The following SI variants were observed in gnomAD, a reference collection of about 807,000 sequenced individuals.
SI encodes the protein sucrase-isomaltase, intestinal.
Under a neutral mutation model 253.3 loss-of-function variants are expected in SI, and 235 were observed. The observed-to-expected ratio is 0.93, with a 90% CI of 0.83 to 1.03. SI has a LOEUF of 1.03. SI is among the 50% of genes least tolerant of loss of function. SI has a pLI of 0.00. For synonymous variants in SI, 819 were observed against 712.0 expected, an observed-to-expected ratio of 1.15 and a Z score of -2.39; for missense variants, 2,442 against 2,211.1, an observed-to-expected ratio of 1.10 and a Z score of -2.09.
At chr3:165,000,511 C>T (rs780575723) in intron 37 of SI, among the ~76,000 whole-genome samples, 1 of 151,358 alleles carries the variant, frequency 6.6e-6, no homozygotes, top group Non-Finnish European at 1.5e-5. Flanking sequence ...TTGATCATTT[C>T]ACACTGTATA....
chr3:165,059,993 T>C lies in SI; in HGVS notation c.1055A>G (p.Asn352Ser). The C allele has an allele frequency of 6.2e-7, 1 of 1,612,198 alleles. No individual in the cohort carries two copies. The highest frequency in any genetic ancestry group is 1.1e-5 in the South Asian group (1 of 91,070). The change falls in exon 10 of 48, where the codon AAT becomes AGT. Residue 352 changes from asparagine (N) to serine (S), a missense_variant. Transcript: ENST00000264382. ...CCAGCGACTTAGTTGGAATCCAAGATTCCAATATGCTGGCATTGCTGGTAG... is the reference window on the plus strand; with the variant it reads ...CCAGCGACTTAGTTGGAATCCAAGACTCCAATATGCTGGCATTGCTGGTAG... The part of the protein sequence containing the change: ...VGLPAMPAYW[N>S]LGFQLSRWNY...
rs143711398 is a variant in SI, at chr3:165,029,581, C to CATATATATGT, written c.2892+1121_2892+1130dup. ...AAAAAAACTGTGGTGTATATATATACATATATATGTATATATATACATATA... is the reference window on the plus strand; with the variant it reads ...AAAAAAACTGTGGTGTATATATATACATATATATGTATATATATGTATATATATACATATA... On this transcript the variant is annotated intron_variant, in intron 25 of 47. Coordinates refer to ENST00000264382, the MANE Select transcript of SI (RefSeq NM_001041.4). 7.2e-4 allele frequency among the ~76,000 whole-genome samples: 95 copies of CATATATATGT among 131,134 alleles called. 1 individual carries two copies. The East Asian group carries it at 8.1e-3, about 11-fold the overall frequency. The allele number at this position is 131,134 out of a possible 152,430, so 86.0% of individuals were successfully genotyped here. A position where few individuals can be genotyped will look rare whatever the true frequency, so the allele number is the denominator to read the frequency against.
intron 3 of SI, among the ~76,000 whole-genome samples, chr3:165,071,020 T>C (rs1714539119): frequency 6.6e-6 from 1 of 152,092 alleles, no homozygotes; most frequent in Admixed American, 6.6e-5. Context: ...CTTTCTTCCC[T>C]GTCTGTCTCT....
chr3:165,066,447 A>G (rs1163297799), intron 6 of SI, among the ~76,000 whole-genome samples: 1 of 151,960 alleles, frequency 6.6e-6, no homozygotes. Flanking sequence ...CCGCACATTT[A>G]GAATTTATAG....
intron 35 of SI, among the ~76,000 whole-genome samples, chr3:165,008,612 A>C (rs1718627575): frequency 6.6e-6 from 1 of 152,072 alleles, no homozygotes; most frequent in Non-Finnish European, 1.5e-5. Context: ...TAGATGTTCC[A>C]TGAATTTTTA....
chr3:165,035,479 G>C (rs553666079), intron 22 of SI, among the ~76,000 whole-genome samples: 1 of 151,672 alleles, frequency 6.6e-6, no homozygotes, highest in Admixed American at 6.6e-5. Context: ...AGTCTTAGGA[G>C]AGAATTATAG....
intron 18 of SI, 22 bp from the exon 19 acceptor site, chr3:165,039,993 A>G (rs1712733334): frequency 6.4e-7 from 1 of 1,556,366 alleles, no homozygotes; most frequent in Non-Finnish European, 8.9e-7. Context: ...GACAATGTTT[A>G]AAGTATAATA....
intron 3 of SI, among the ~76,000 whole-genome samples, chr3:165,070,142 A>C (rs974039056): frequency 1.4e-5 from 2 of 145,356 alleles, no homozygotes; most frequent in African/African-American, 5.0e-5. Context: ...TATGGGATAT[A>C]TGTATATTTA....
chr3:165,059,234 C>T lies in SI; in HGVS notation c.1212G>A (p.Ala404=), dbSNP rs142838612. ...DKKDFTYDQV[A]FNGLPQFVQD... ...GCACAAATTGAGGGAGTCCGTTAAA[C>T]GCAACTTGATCATAAGTAAAGTCTT... Residue 404 remains alanine, a synonymous_variant, in exon 11 of 48, where the codon GCG becomes GCA. Coordinates refer to ENST00000264382, the MANE Select transcript of SI (RefSeq NM_001041.4). The T allele has an allele frequency of 7.0e-4, 1,124 of 1,612,656 alleles. 2 individuals are homozygous for T. The African/African-American group carries it at 0.013, about 18-fold the overall frequency.
intron 24 of SI, among the ~76,000 whole-genome samples, chr3:165,032,077 T>TA (rs1712275162): frequency 6.6e-6 from 1 of 151,218 alleles, no homozygotes; most frequent in Non-Finnish European, 1.5e-5. Flanking sequence ...ACAAGATATA[T>TA]TTTGAGGACA....
chr3:165,030,424 T>G (rs1712169348), intron 25 of SI, among the ~76,000 whole-genome samples: 1 of 150,826 alleles, frequency 6.6e-6, no homozygotes, highest in African/African-American at 2.4e-5. Flanking sequence ...CCAAGTAGAG[T>G]GTAACTCTCA....
At chr3:164,989,217 C>A (rs1201095448) in intron 44 of SI, among the ~76,000 whole-genome samples, 1 of 150,978 alleles carries the variant, frequency 6.6e-6, no homozygotes, top group Non-Finnish European at 1.5e-5. Context: ...GTCTGGCAGG[C>A]ACCTGTAATC....
chr3:165,026,953 G>A (rs1357729166), intron 25 of SI, among the ~76,000 whole-genome samples: 1 of 151,244 alleles, frequency 6.6e-6, no homozygotes, highest in African/African-American at 2.4e-5. Context: ...CTCAGAAGAA[G>A]AAAGGAAATA....
intron 16 of SI, 34 bp from the exon 17 acceptor site, chr3:165,043,209 T>A: frequency 1.4e-6 from 2 of 1,445,198 alleles, no homozygotes; most frequent in Non-Finnish European, 9.6e-7. Context: ...TTTATAATGT[T>A]AAGATTCTCA....
In SI at chr3:165,036,379, TCA is replaced by T; in HGVS notation, c.2515+8_2515+9del. The T allele has an allele frequency of 1.3e-6, 2 of 1,591,710 alleles. No individual in the cohort carries two copies. The highest frequency in any genetic ancestry group is 1.3e-5 in the African/African-American group (1 of 74,516). On this transcript the variant is annotated splice_region_variant and intron_variant, in intron 22 of 47. Coordinates refer to ENST00000264382, the MANE Select transcript of SI (RefSeq NM_001041.4). ...AGTGAACATTTAAAGCGTATTACTT[TCA>T]GACTTACCTTTAGTTTCTCCATCAT...
chr3:165,037,101 A>C (rs1039262923), intron 21 of SI, among the ~76,000 whole-genome samples: 2 of 151,876 alleles, frequency 1.3e-5, no homozygotes, highest in Non-Finnish European at 2.9e-5. Context: ...TTTTTTGAGA[A>C]CATACTCTTG....
chr3:165,025,143 T>C (rs181796038), intron 25 of SI, among the ~76,000 whole-genome samples: 83 of 151,280 alleles, frequency 5.5e-4, no homozygotes, highest in African/African-American at 1.9e-3. Context: ...TTTGAACACT[T>C]CTCATCTATT....
chr3:165,036,458 G>A lies in SI; in HGVS notation c.2446C>T (p.Leu816Phe), dbSNP rs761779608. Residue 816 changes from leucine to phenylalanine, a missense_variant, in exon 22 of 48, where the codon CTT (leucine) becomes TTT (phenylalanine). Coordinates refer to ENST00000264382, the MANE Select transcript of SI (RefSeq NM_001041.4). Reference protein sequence around the residue: ...TTASRKNPLGLIVALGENNTA... With the variant: ...TTASRKNPLGFIVALGENNTA... ...TTGTTTTCACCTAATGCGACTATAA[G>A]TCCTAGAGGATTCTTACGGCTGTTA... is the stretch of plus-strand genomic sequence containing the variant. 1.2e-6 allele frequency: 2 copies of A among 1,610,840 alleles called. No individual in the cohort carries two copies. Among genetic ancestry groups the A allele is most frequent in the Admixed American group, 1.7e-5 (1 of 59,760 alleles).
Position 165,018,075 on chromosome 3 carries a change from C to G in SI, c.3424-9G>C. 6.7e-7 allele frequency: 1 copy of G among 1,484,640 alleles called. No individual in the cohort carries two copies. The highest frequency in any genetic ancestry group is 1.1e-5 in the South Asian group (1 of 88,496). 92.0% of individuals were successfully genotyped at this position (1,484,640 alleles called of 1,614,324 possible). Reference sequence around the variant, plus strand: ...TAGGAATTAAGTTTGTACTGAAATACGAAAAATAAGCACAATATATTTTAA... The same window carrying G: ...TAGGAATTAAGTTTGTACTGAAATAGGAAAAATAAGCACAATATATTTTAA... On this transcript the variant is annotated splice_polypyrimidine_tract_variant and intron_variant, in intron 28 of 47. Coordinates refer to ENST00000264382, the MANE Select transcript of SI (RefSeq NM_001041.4).
Sources: gnomAD v4.1 joint callset for allele counts (sites outside exome capture counted in the v4.1 genomes callset) on GRCh38, gnomAD v4.1.1 for gene constraint, MANE v1.5 for transcripts, NCBI Gene and HGNC (gene_info 2026-07-23, HGNC 2026-07-21) for gene names.